Variants in CALN1 observed in about 807,000 individuals in gnomAD.
CALN1 encodes calcium-binding protein 8.
Under a neutral mutation model 30.6 loss-of-function variants are expected in CALN1, and 17 were observed. That is an observed-to-expected ratio of 0.56 (90% CI 0.38 to 0.83). The LOEUF is 0.83. Among genes scored for constraint, CALN1 ranks in the 40% least tolerant of loss-of-function variants. CALN1 has a pLI of 0.00. For missense variants in CALN1, 291 were observed against 354.9 expected (o/e 0.82, Z 1.45); for synonymous variants, 156 against 131.4 (o/e 1.19, Z -1.28).
chr7:71,865,813 A>C (rs1791550527), intron 5 of CALN1, among the ~76,000 whole-genome samples: 1 of 149,618 alleles, frequency 6.7e-6, no homozygotes, highest in East Asian at 2.3e-4. Context: ...ATTATACATT[A>C]GAGTCAATAA....
intron 3 of CALN1, among the ~76,000 whole-genome samples, chr7:72,211,379 G>T (rs1289370649): frequency 6.6e-6 from 1 of 152,090 alleles, no homozygotes; most frequent in Non-Finnish European, 1.5e-5. Flanking sequence ...AACAATGTGT[G>T]ACTCAGCTAA....
At chr7:71,809,475 A>AAAAAAAAG (rs1482274268) in intron 6 of CALN1, among the ~76,000 whole-genome samples, 3 of 150,980 alleles carry the variant, frequency 2.0e-5, no homozygotes, top group Admixed American at 6.6e-5. Context: ...AAAAAAAAAA[A>AAAAAAAAG]AAAGAAAAGA....
intron 2 of CALN1, among the ~76,000 whole-genome samples, chr7:72,328,919 ACTC>A: frequency 6.6e-6 from 1 of 151,540 alleles, no homozygotes; most frequent in East Asian, 1.9e-4. Flanking sequence ...CTGGTCTTGA[ACTC>A]CTGACCTCAG....
intron 1 of CALN1, among the ~76,000 whole-genome samples, chr7:72,442,845 T>C (rs537124754): frequency 6.6e-6 from 1 of 152,354 alleles, no homozygotes; most frequent in East Asian, 1.9e-4. Context: ...TATTTAGGAT[T>C]GCACTTTATG....
intron 5 of CALN1, among the ~76,000 whole-genome samples, chr7:72,023,094 G>T (rs1003685): frequency 1.3e-4 from 19 of 151,922 alleles, no homozygotes; most frequent in African/African-American, 4.3e-4. Context: ...TAAAATAATT[G>T]TCACATTTTA....
intron 5 of CALN1, among the ~76,000 whole-genome samples, chr7:71,949,836 A>C (rs2129523873): frequency 1.3e-5 from 2 of 150,500 alleles, no homozygotes; most frequent in Admixed American, 1.3e-4. Context: ...ATCTTGGCTC[A>C]CTGCAAGCTC....
Position 72,283,242 on chromosome 7 carries a change from C to T in CALN1, c.120-4432G>A, listed in dbSNP as rs180956209. ...TGTTGTAAATATTAAATAAGATAAACGGCCAGGCATGGTGGCTCACATCTA... is the reference window on the plus strand; with the variant it reads ...TGTTGTAAATATTAAATAAGATAAATGGCCAGGCATGGTGGCTCACATCTA... On this transcript the variant is annotated intron_variant, in intron 2 of 6. Coordinates refer to ENST00000395275, the MANE Select transcript of CALN1 (RefSeq NM_031468.4). 9.9e-4 allele frequency among the ~76,000 whole-genome samples: 150 copies of T among 151,596 alleles called. 1 individual carries two copies. The highest frequency in any genetic ancestry group is 3.4e-3 in the African/African-American group (142 of 41,342).
chr7:72,354,628 G>C (rs1162603652), intron 2 of CALN1, among the ~76,000 whole-genome samples: 2 of 152,172 alleles, frequency 1.3e-5, no homozygotes, highest in Non-Finnish European at 2.9e-5. Context: ...ATTAGGAATA[G>C]ACTCACTTGC....
intron 2 of CALN1, among the ~76,000 whole-genome samples, chr7:72,389,943 G>GA (rs1419626199): frequency 1.0e-4 from 15 of 149,392 alleles, no homozygotes; most frequent in South Asian, 2.1e-4. Context: ...AAAAAAAGAA[G>GA]AAAGAAAAGA....
chr7:72,137,763 G>A (rs1028461626), intron 3 of CALN1, among the ~76,000 whole-genome samples: 8 of 152,174 alleles, frequency 5.3e-5, no homozygotes, highest in African/African-American at 9.7e-5. Context: ...ATGCTGTAGC[G>A]TCTTTGTGAA....
intron 2 of CALN1, among the ~76,000 whole-genome samples, chr7:72,389,482 G>A (rs966069078): frequency 6.6e-6 from 1 of 152,174 alleles, no homozygotes; most frequent in African/African-American, 2.4e-5. Context: ...AAAAATCTGA[G>A]TCTTCCCTGT....
intron 5 of CALN1, among the ~76,000 whole-genome samples, chr7:71,944,168 A>T (rs10277368): frequency 1.3e-5 from 2 of 151,990 alleles, no homozygotes; most frequent in Admixed American, 1.3e-4. Context: ...GCTGCTAGGC[A>T]GGGTGCAGTG....
At chr7:72,047,826 A>G (rs1485766079) in intron 4 of CALN1, among the ~76,000 whole-genome samples, 2 of 152,110 alleles carry the variant, frequency 1.3e-5, no homozygotes, top group African/African-American at 4.8e-5. Context: ...GGAAATTAAG[A>G]GTGCAGCTGC....
At chr7:71,850,962 C>T (rs1222057747) in intron 5 of CALN1, among the ~76,000 whole-genome samples, 1 of 152,096 alleles carries the variant, frequency 6.6e-6, no homozygotes, top group African/African-American at 2.4e-5. Flanking sequence ...CCTCTAATCC[C>T]AGAGCATTGG....
intron 2 of CALN1, among the ~76,000 whole-genome samples, chr7:72,364,056 A>C (rs1289395890): frequency 1.8e-5 from 2 of 113,290 alleles, no homozygotes; most frequent in Non-Finnish European, 3.6e-5. Flanking sequence ...TTTAATTCAA[A>C]ATTGCAGTAA....
chr7:72,199,029 C>T (rs761237966), intron 3 of CALN1, among the ~76,000 whole-genome samples: 4 of 152,132 alleles, frequency 2.6e-5, no homozygotes, highest in African/African-American at 4.8e-5. Flanking sequence ...AATCCCAGCA[C>T]GTTGGGAGGC....
intron 6 of CALN1, among the ~76,000 whole-genome samples, chr7:71,800,879 C>T (rs1289763657): frequency 2.0e-5 from 3 of 152,068 alleles, no homozygotes; most frequent in African/African-American, 4.8e-5. Flanking sequence ...GGTAAACGTG[C>T]GCCATGGTGG....
rs844681 is a variant in CALN1, at chr7:72,031,034, C to T, written c.389-7265G>A. ...ATACTAATTCATTTACATCTTCCTGCTGCCCATTTGACAAATGAGAAAACT... is the reference window on the plus strand; with the variant it reads ...ATACTAATTCATTTACATCTTCCTGTTGCCCATTTGACAAATGAGAAAACT... On this transcript the variant is annotated intron_variant, in intron 4 of 6. Transcript: ENST00000395275. 9.7e-3 allele frequency among the ~76,000 whole-genome samples: 1,484 copies of T among 152,336 alleles called. 25 individuals carry two copies. Among genetic ancestry groups the T allele is most frequent in the African/African-American group, 0.035 (1,443 of 41,566 alleles).
chr7:72,117,085 G>C (rs1423801719), intron 3 of CALN1, among the ~76,000 whole-genome samples: 1 of 152,116 alleles, frequency 6.6e-6, no homozygotes, highest in Non-Finnish European at 1.5e-5. Flanking sequence ...GGCCAAGACA[G>C]GAGGATCATT....
Sources: allele counts gnomAD v4.1 joint callset (sites outside exome capture counted in the v4.1 genomes callset), GRCh38; gene constraint gnomAD v4.1.1; transcripts MANE v1.5; gene names NCBI Gene and HGNC (gene_info 2026-07-23, HGNC 2026-07-21).